Variants in MYRFL observed in about 807,000 individuals in gnomAD.
MYRFL encodes the protein myelin regulatory factor like.
A neutral mutation model predicts 109.4 loss-of-function variants in MYRFL; 88 were observed. The observed-to-expected ratio is 0.80, with a 90% CI of 0.68 to 0.96. The LOEUF (loss-of-function observed/expected upper bound fraction) is 0.96, where lower values mean the gene tolerates loss of function less well. Among genes scored for constraint, MYRFL ranks in the 40% least tolerant of loss-of-function variants. The pLI, the probability that MYRFL is intolerant of heterozygous loss-of-function variation, is 0.00. For missense variants in MYRFL, 957 were observed against 954.9 expected, an observed-to-expected ratio of 1.00 and a Z score of -0.03; for synonymous variants, 324 against 320.9, an observed-to-expected ratio of 1.01 and a Z score of -0.10.
chr12:69,841,081 G>A lies in MYRFL; in HGVS notation c.47-14199G>A, dbSNP rs138137806. On this transcript the variant is annotated intron_variant, in intron 1 of 24. Coordinates refer to ENST00000552032, the MANE Select transcript of MYRFL (RefSeq NM_182530.3). ...CTGATTAGATTCTTCTTGGGTCAGT[G>A]TAAAACTATCTGCACAAGGAGACTG... Among the ~76,000 whole-genome samples, 523 of 152,296 alleles carry A rather than the reference G, an allele frequency of 3.4e-3. 1 individual carries two copies. Among genetic ancestry groups the A allele is most frequent in the African/African-American group, 0.012 (481 of 41,564 alleles).
chr12:69,915,047 G>A (rs192970454), intron 13 of MYRFL, among the ~76,000 whole-genome samples: 13 of 152,148 alleles, frequency 8.5e-5, no homozygotes, highest in African/African-American at 3.1e-4. Context: ...AACACGGTGG[G>A]CTATCCCTGC....
At chr12:69,939,778 G>A (rs1319555188) in intron 19 of MYRFL, among the ~76,000 whole-genome samples, 2 of 151,928 alleles carry the variant, frequency 1.3e-5, no homozygotes, top group African/African-American at 4.8e-5. Context: ...CAAAGGCAAA[G>A]AAGTTGAAAA....
intron 1 of MYRFL, among the ~76,000 whole-genome samples, chr12:69,831,289 C>A (rs1329970140): frequency 6.6e-6 from 1 of 152,106 alleles, no homozygotes; most frequent in Non-Finnish European, 1.5e-5. Flanking sequence ...TTGTCTGTGG[C>A]TGCTTTGATG....
In MYRFL at chr12:69,868,895, C is replaced by T. The variant is rs115848400; in HGVS notation, c.138-10133C>T. The stretch of plus-strand genomic sequence containing the variant: ...GCGCACACACATGCACTCACACACA[C>T]GTACGCACACGCGCACACACACATG... On this transcript the variant is annotated intron_variant, in intron 2 of 24. Coordinates refer to ENST00000552032, the MANE Select transcript of MYRFL (RefSeq NM_182530.3). 5.7e-3 allele frequency among the ~76,000 whole-genome samples: 873 copies of T among 151,870 alleles called. 7 individuals carry two copies. Among genetic ancestry groups the T allele is most frequent in the African/African-American group, 0.02 (832 of 41,342 alleles).
chr12:69,847,159 C>T (rs934106915), intron 1 of MYRFL, among the ~76,000 whole-genome samples: 6 of 152,068 alleles, frequency 3.9e-5, no homozygotes, highest in African/African-American at 1.2e-4. Context: ...CAAACTGCTG[C>T]AGTAAGACAA....
intron 13 of MYRFL, among the ~76,000 whole-genome samples, chr12:69,925,134 C>A (rs992754568): frequency 2.0e-5 from 3 of 152,124 alleles, no homozygotes; most frequent in Non-Finnish European, 4.4e-5. Flanking sequence ...GACTAGTGGT[C>A]TCTGGGGAGA....
chr12:69,952,806 T>C lies in MYRFL; in HGVS notation c.2295T>C (p.Asp765=), dbSNP rs774886669. Reference sequence around the variant, plus strand: ...TATTTCTTCTCAATTCAGGGATTGATACAACCATCAGTTCTATTCAGATTA... The same window carrying C: ...TATTTCTTCTCAATTCAGGGATTGACACAACCATCAGTTCTATTCAGATTA... The part of the protein sequence containing the change: ...SGPDWESDWI[D]TTISSIQIME... The change falls in exon 21 of 25, where the codon GAT becomes GAC. Residue 765 remains aspartate (D), a synonymous_variant. Transcript: ENST00000552032. 1.8e-5 allele frequency: 28 copies of C among 1,528,686 alleles called. No individual in the cohort carries two copies. Among genetic ancestry groups the C allele is most frequent in the African/African-American group, 2.8e-5 (2 of 72,712 alleles). 94.7% of individuals were successfully genotyped at this position (1,528,686 alleles called of 1,614,324 possible). A position where few individuals can be genotyped will look rare whatever the true frequency, so the allele number is the denominator to read the frequency against.
Position 69,901,588 on chromosome 12 carries a change from T to C in MYRFL, c.1183-2056T>C, listed in dbSNP as rs565839549. Among the ~76,000 whole-genome samples the C allele has an allele frequency of 2.0e-5, 3 of 152,340 alleles. No individual in the cohort carries two copies. In the East Asian group the frequency reaches 5.8e-4, roughly 29 times the overall value. On this transcript the variant is annotated intron_variant, in intron 10 of 24. Transcript: ENST00000552032. Reference sequence around the variant, plus strand: ...ATGATAATAACTATCCCAAAGCTCATTATGAAAAAATTCATCACTGTCTTA... The same window carrying C: ...ATGATAATAACTATCCCAAAGCTCACTATGAAAAAATTCATCACTGTCTTA...
intron 2 of MYRFL, among the ~76,000 whole-genome samples, chr12:69,863,223 T>A (rs1884803624): frequency 6.6e-6 from 1 of 152,198 alleles, no homozygotes; most frequent in Non-Finnish European, 1.5e-5. Context: ...TTTTTGGTTG[T>A]GTCTCTGCCC....
At chr12:69,866,002 G>A (rs118082678) in intron 2 of MYRFL, among the ~76,000 whole-genome samples, 1 of 152,252 alleles carries the variant, frequency 6.6e-6, no homozygotes, top group East Asian at 1.9e-4. Flanking sequence ...GTGTTTTACA[G>A]ATGGGGAGGA....
chr12:69,858,558 A>T (rs572853432), intron 2 of MYRFL, among the ~76,000 whole-genome samples: 28 of 152,098 alleles, frequency 1.8e-4, no homozygotes, highest in African/African-American at 5.5e-4. Flanking sequence ...ATTCTACTTA[A>T]GTGAGTTAGC....
In MYRFL at chr12:69,860,114, C is replaced by T. The variant is rs576888636; in HGVS notation, c.137+4744C>T. Among the ~76,000 whole-genome samples, 21 of 152,186 alleles carry T rather than the reference C, an allele frequency of 1.4e-4. 1 individual carries two copies. The South Asian group carries it at 4.2e-3, about 30-fold the overall frequency. On this transcript the variant is annotated intron_variant, in intron 2 of 24. Transcript: ENST00000552032. ...CCATCTGCCCCCAACACCTGGGCCC[C>T]CCAACAGGCTCCAGTGTATGTTGTT... is the stretch of plus-strand genomic sequence containing the variant.
At chr12:69,945,900 T>A (rs1396788683) in intron 19 of MYRFL, among the ~76,000 whole-genome samples, 1 of 131,644 alleles carries the variant, frequency 7.6e-6, no homozygotes, top group South Asian at 2.5e-4. Flanking sequence ...GGCAGGAGAA[T>A]GGCGTGAACC....
At chr12:69,896,588 T>A (rs778514032) in intron 9 of MYRFL, among the ~76,000 whole-genome samples, 2 of 151,998 alleles carry the variant, frequency 1.3e-5, no homozygotes, top group African/African-American at 2.4e-5. Flanking sequence ...GAAGGGGAGG[T>A]CTCAGTCTTT....
At chr12:69,863,064 A>G (rs1347590174) in intron 2 of MYRFL, among the ~76,000 whole-genome samples, 4 of 151,582 alleles carry the variant, frequency 2.6e-5, no homozygotes, top group African/African-American at 7.3e-5. Context: ...ATTGATTTGC[A>G]TATATTGAAC....
At chr12:69,931,927 T>G (rs1373748184) in intron 15 of MYRFL, among the ~76,000 whole-genome samples, 2 of 152,204 alleles carry the variant, frequency 1.3e-5, no homozygotes, top group Non-Finnish European at 2.9e-5. Flanking sequence ...ATAATACTGC[T>G]CAATAAATAT....
intron 1 of MYRFL, among the ~76,000 whole-genome samples, chr12:69,851,395 A>T (rs1407435669): frequency 6.6e-6 from 1 of 152,238 alleles, no homozygotes; most frequent in Non-Finnish European, 1.5e-5. Flanking sequence ...ACCAAAACAG[A>T]ACATATTTCA....
chr12:69,860,077 T>A (rs1285157721), intron 2 of MYRFL, among the ~76,000 whole-genome samples: 2 of 152,148 alleles, frequency 1.3e-5, no homozygotes, highest in Non-Finnish European at 2.9e-5. Flanking sequence ...TAGCTATTCT[T>A]CCTGATGCTC....
At chr12:69,953,734 A>G (rs1362209906) in intron 21 of MYRFL, among the ~76,000 whole-genome samples, 1 of 150,396 alleles carries the variant, frequency 6.6e-6, no homozygotes, top group Non-Finnish European at 1.5e-5. Flanking sequence ...GCACCACTGT[A>G]CTCCAGCCTG....
Sources: gnomAD v4.1 joint callset for allele counts (sites outside exome capture counted in the v4.1 genomes callset) on GRCh38, gnomAD v4.1.1 for gene constraint, MANE v1.5 for transcripts, NCBI Gene and HGNC (gene_info 2026-07-23, HGNC 2026-07-21) for gene names.